The following PDE1C variants were observed in gnomAD, a reference collection of about 807,000 sequenced individuals.
The protein encoded by PDE1C is dual specificity calcium/calmodulin-dependent 3',5'-cyclic nucleotide phosphodiesterase 1C.
Under a neutral mutation model 93.1 loss-of-function variants are expected in PDE1C, and 62 were observed. The ratio of observed to expected loss-of-function variants is 0.67; its 90% CI spans 0.54 to 0.82. The LOEUF (loss-of-function observed/expected upper bound fraction) is 0.82. Ranked by LOEUF, PDE1C falls within the 40% of genes least tolerant of loss-of-function variation. PDE1C has a pLI of 0.00. For missense variants in PDE1C, 742 were observed against 884.6 expected, an observed-to-expected ratio of 0.84 and a Z score of 2.04; for synonymous variants, 325 against 310.1, an observed-to-expected ratio of 1.05 and a Z score of -0.50.
chr7:32,080,044 T>C (rs1488289792), intron 3 of PDE1C, among the ~76,000 whole-genome samples: 1 of 152,168 alleles, frequency 6.6e-6, no homozygotes, highest in African/African-American at 2.4e-5. Context: ...AAAATATTTC[T>C]GACAAGAGGG....
intron 1 of PDE1C, among the ~76,000 whole-genome samples, chr7:32,255,086 TG>T (rs2128877392): frequency 6.6e-6 from 1 of 152,306 alleles, no homozygotes; most frequent in African/African-American, 2.4e-5. Context: ...CCCAAGTCTC[TG>T]TTTTGGAAAT....
chr7:31,805,293 C>T (rs1786676765), intron 16 of PDE1C, among the ~76,000 whole-genome samples: 1 of 151,566 alleles, frequency 6.6e-6, no homozygotes, highest in East Asian at 2.0e-4. Flanking sequence ...ATCACATTCT[C>T]AGAATGGTGT....
intron 1 of PDE1C, among the ~76,000 whole-genome samples, chr7:32,310,307 C>A (rs1259126401): frequency 1.3e-5 from 2 of 152,044 alleles, no homozygotes; most frequent in Non-Finnish European, 2.9e-5. Context: ...TAATGGGAGA[C>A]TTTAACACCC....
intron 1 of PDE1C, among the ~76,000 whole-genome samples, chr7:32,369,688 C>CA (rs1339655150): frequency 6.6e-6 from 1 of 152,168 alleles, no homozygotes; most frequent in African/African-American, 2.4e-5. Flanking sequence ...TCTGTGCCCC[C>CA]ATGTTTACTG....
rs1028998576 is a variant in PDE1C at position 32,099,531 on chromosome 7, G to A, written c.308+70254C>T. 2.6e-5 allele frequency among the ~76,000 whole-genome samples: 4 copies of A among 152,188 alleles called. No individual in the cohort carries two copies. In the South Asian group the frequency reaches 6.2e-4, roughly 24 times the overall value. ...ATTTTTGCCATCTTTTTCATGTTCT[G>A]TACAAGTCCTTGTACATTATACAGT... On this transcript the variant is annotated intron_variant, in intron 3 of 18. Coordinates refer to the PDE1C transcript ENST00000396193.
the PDE1C span, among the ~76,000 whole-genome samples, chr7:31,631,022 A>G: frequency 6.6e-6 from 1 of 152,188 alleles, no homozygotes; most frequent in African/African-American, 2.4e-5. Context: ...TTATTAACTC[A>G]AGAAGTAGGT....
At chr7:31,826,408 G>T (rs1789673121) in intron 12 of PDE1C, among the ~76,000 whole-genome samples, 1 of 152,316 alleles carries the variant, frequency 6.6e-6, no homozygotes, top group South Asian at 2.1e-4. Flanking sequence ...TGTTGTAATT[G>T]TGTATGTGTA....
At chr7:32,169,692 A>C in intron 3 of PDE1C, 1 of 1,042,874 alleles carries the variant, frequency 9.6e-7, no homozygotes, top group Admixed American at 1.9e-5. Flanking sequence ...GAAATGAAGT[A>C]ATTTGCTGGC....
chr7:31,814,151 G>A (rs1206044302), intron 15 of PDE1C, among the ~76,000 whole-genome samples: 1 of 151,944 alleles, frequency 6.6e-6, no homozygotes, highest in Non-Finnish European at 1.5e-5. Context: ...CATTTGGGCT[G>A]GTTGCATATT....
intron 1 of PDE1C, among the ~76,000 whole-genome samples, chr7:32,220,976 A>T (rs1806815117): frequency 6.6e-6 from 1 of 152,184 alleles, no homozygotes; most frequent in Non-Finnish European, 1.5e-5. Context: ...GTTCTCCAAA[A>T]GAAAGGAAGC....
intron 1 of PDE1C, among the ~76,000 whole-genome samples, chr7:32,262,436 C>T (rs1810278704): frequency 6.6e-6 from 1 of 152,172 alleles, no homozygotes; most frequent in East Asian, 1.9e-4. Context: ...AAACTGAAGA[C>T]AGGTTCCTCT....
intron 2 of PDE1C, among the ~76,000 whole-genome samples, chr7:31,929,938 G>C (rs934895791): frequency 6.6e-6 from 1 of 152,022 alleles, no homozygotes; most frequent in Non-Finnish European, 1.5e-5. Context: ...AACTGAAGGA[G>C]ACACAGACAT....
chr7:31,679,595 G>C, the PDE1C span, among the ~76,000 whole-genome samples: 1 of 152,130 alleles, frequency 6.6e-6, no homozygotes, highest in Non-Finnish European at 1.5e-5. Flanking sequence ...TCATATCTAA[G>C]CACTTCTCTC....
chr7:31,888,408 C>G (rs1455929715), intron 2 of PDE1C, among the ~76,000 whole-genome samples: 2 of 151,692 alleles, frequency 1.3e-5, no homozygotes, highest in African/African-American at 4.8e-5. Flanking sequence ...AAACTCACAG[C>G]AGAAATAATT....
At chr7:32,080,312 C>A (rs1277676520) in intron 3 of PDE1C, among the ~76,000 whole-genome samples, 1 of 152,164 alleles carries the variant, frequency 6.6e-6, no homozygotes, top group Non-Finnish European at 1.5e-5. Flanking sequence ...CTCCAACCCC[C>A]TATGCCTAAC....
At chr7:32,098,368 G>A (rs2128749002) in intron 3 of PDE1C, among the ~76,000 whole-genome samples, 1 of 152,076 alleles carries the variant, frequency 6.6e-6, no homozygotes, top group Non-Finnish European at 1.5e-5. Flanking sequence ...ACCTTGGCGA[G>A]CCTTTCTCTT....
At chr7:32,378,148 G>T (rs1344528013) in intron 1 of PDE1C, among the ~76,000 whole-genome samples, 1 of 152,148 alleles carries the variant, frequency 6.6e-6, no homozygotes, top group African/African-American at 2.4e-5. Context: ...TGCATTTACT[G>T]TGTTTTATGT....
chr7:31,679,104 C>G, the PDE1C span, among the ~76,000 whole-genome samples: 1 of 152,146 alleles, frequency 6.6e-6, no homozygotes, highest in East Asian at 1.9e-4. Context: ...AGCTTGGAGG[C>G]AGATCCTCTA....
At chr7:31,909,857 C>T (rs1293366807) in intron 2 of PDE1C, among the ~76,000 whole-genome samples, 4 of 152,010 alleles carry the variant, frequency 2.6e-5, no homozygotes, top group Non-Finnish European at 4.4e-5. Flanking sequence ...CAGGAGTTTC[C>T]GCAAATTGGC....
Sources: gnomAD v4.1 joint callset for allele counts (sites outside exome capture counted in the v4.1 genomes callset) on GRCh38, gnomAD v4.1.1 for gene constraint, MANE v1.5 for transcripts, NCBI Gene and HGNC (gene_info 2026-07-23, HGNC 2026-07-21) for gene names.